The following TMEM63C variants were observed in gnomAD, a reference collection of about 807,000 sequenced individuals.
TMEM63C encodes the protein transmembrane protein 63C.
In TMEM63C, 32 loss-of-function variants were observed where a neutral mutation model predicts 99.2. The observed-to-expected ratio is 0.32, with a 90% CI of 0.24 to 0.43. The LOEUF (loss-of-function observed/expected upper bound fraction) is 0.43, where lower values mean the gene tolerates loss of function less well. TMEM63C is among the 20% of genes least tolerant of loss of function. The pLI is 1.00. For missense variants in TMEM63C, 826 were observed against 1,053.0 expected, an observed-to-expected ratio of 0.78 and a Z score of 2.98; for synonymous variants, 376 against 397.9, an observed-to-expected ratio of 0.94 and a Z score of 0.66.
chr14:77,224,992 C>T (rs1222327079), intron 5 of TMEM63C, among the ~76,000 whole-genome samples: 1 of 152,248 alleles, frequency 6.6e-6, no homozygotes, highest in Admixed American at 6.5e-5. Flanking sequence ...TTAATTGGCC[C>T]CACTTGGGTA....
At chr14:77,217,247 G>A (rs78819875) in intron 2 of TMEM63C, among the ~76,000 whole-genome samples, 3,726 of 152,030 alleles carry the variant, frequency 0.025, 134 homozygotes, top group African/African-American at 0.085. Context: ...CCAACTCTCC[G>A]GGCAAGCTCG....
intron 1 of TMEM63C, among the ~76,000 whole-genome samples, chr14:77,205,455 C>T (rs1888379846): frequency 6.6e-6 from 1 of 152,158 alleles, no homozygotes; most frequent in South Asian, 2.1e-4. Context: ...TCTTTAGCAA[C>T]CCCTATCCAG....
intron 1 of TMEM63C, among the ~76,000 whole-genome samples, chr14:77,198,727 A>G (rs1454825127): frequency 6.6e-6 from 1 of 152,196 alleles, no homozygotes; most frequent in Non-Finnish European, 1.5e-5. Context: ...GAAACAGTTC[A>G]AATGTTTCCT....
chr14:77,209,934 A>T (rs1427791536), intron 1 of TMEM63C, among the ~76,000 whole-genome samples: 1 of 151,936 alleles, frequency 6.6e-6, no homozygotes, highest in African/African-American at 2.4e-5. Flanking sequence ...CTCTCCACAG[A>T]TTCGGGACCA....
chr14:77,242,304 C>T (rs756856651), intron 13 of TMEM63C, 43 bp from the exon 14 acceptor site: 20 of 1,590,444 alleles, frequency 1.3e-5, no homozygotes, highest in Non-Finnish European at 1.7e-5. Flanking sequence ...CCCATCCCCC[C>T]ACCCCCAGAC....
chr14:77,215,672 G>A (rs1048749223), intron 2 of TMEM63C, among the ~76,000 whole-genome samples: 2 of 142,166 alleles, frequency 1.4e-5, no homozygotes, highest in African/African-American at 4.9e-5. Flanking sequence ...CTCACTGGCT[G>A]CCGCCGCCAC....
At chr14:77,220,670 G>A (rs1888675659) in intron 5 of TMEM63C, among the ~76,000 whole-genome samples, 1 of 152,134 alleles carries the variant, frequency 6.6e-6, no homozygotes, top group Non-Finnish European at 1.5e-5. Flanking sequence ...AGGCAGGGGA[G>A]ACGACCAGAC....
At chr14:77,204,237 G>A (rs1300356440) in intron 1 of TMEM63C, among the ~76,000 whole-genome samples, 1 of 145,490 alleles carries the variant, frequency 6.9e-6, no homozygotes. Flanking sequence ...TCAAATATGA[G>A]ATGCGCCACA....
chr14:77,200,907 G>A (rs981424432), intron 1 of TMEM63C: 3 of 151,736 alleles, frequency 2.0e-5, no homozygotes, highest in African/African-American at 4.8e-5. Flanking sequence ...AGGTGCTCTC[G>A]TGCTTCCAGA....
chr14:77,184,779 G>C lies in TMEM63C; in HGVS notation c.-77+2885G>C, dbSNP rs147280850. On this transcript the variant is annotated intron_variant, in intron 1 of 23. Transcript: ENST00000298351. ...TGGAACTCCACATTCTTGCCCATGA[G>C]TTGGCTGGTGCAACTCCTGCAAGGT... Among the ~76,000 whole-genome samples the C allele has an allele frequency of 7.9e-5, 12 of 152,308 alleles. No individual in the cohort carries two copies. In the East Asian group the frequency reaches 2.3e-3, roughly 29 times the overall value.
At chr14:77,255,233 C>A (rs1018466558) in intron 23 of TMEM63C, among the ~76,000 whole-genome samples, 2 of 152,218 alleles carry the variant, frequency 1.3e-5, no homozygotes, top group Admixed American at 1.3e-4. Context: ...TCAGCTGATC[C>A]ACCCGCCTCG....
At chr14:77,190,934 A>C (rs376446833) in intron 1 of TMEM63C, among the ~76,000 whole-genome samples, 14 of 152,342 alleles carry the variant, frequency 9.2e-5, no homozygotes, top group Middle Eastern at 3.4e-3. Context: ...AATTTATCAA[A>C]ATTGTAGACG....
intron 1 of TMEM63C, among the ~76,000 whole-genome samples, chr14:77,183,685 C>T (rs959170647): frequency 3.3e-5 from 5 of 152,158 alleles, no homozygotes; most frequent in African/African-American, 1.2e-4. Flanking sequence ...ATGAATTGCT[C>T]CTTTTCAGAC....
At chr14:77,213,083 T>G (rs1566620840) in intron 1 of TMEM63C, among the ~76,000 whole-genome samples, 1 of 152,216 alleles carries the variant, frequency 6.6e-6, no homozygotes, top group Non-Finnish European at 1.5e-5. Context: ...CTGTAGCCAC[T>G]GCCATTCATT....
chr14:77,241,037 G>A (rs1172489092), intron 13 of TMEM63C, among the ~76,000 whole-genome samples: 1 of 145,798 alleles, frequency 6.9e-6, no homozygotes, highest in Non-Finnish European at 1.5e-5. Flanking sequence ...TACGACCTCT[G>A]CCTCCCAGGT....
intron 18 of TMEM63C, among the ~76,000 whole-genome samples, chr14:77,248,129 C>G (rs556364322): frequency 6.6e-6 from 1 of 152,262 alleles, no homozygotes; most frequent in Admixed American, 6.5e-5. Flanking sequence ...CCTCCCTGCT[C>G]AGGGGACTGC....
intron 14 of TMEM63C, 134 bp downstream of exon 14, chr14:77,242,603 C>A: frequency 8.0e-7 from 1 of 1,249,976 alleles, no homozygotes; most frequent in Non-Finnish European, 1.1e-6. Context: ...CTCTCCTAAG[C>A]ACCACAACCT....
intron 14 of TMEM63C, 81 bp from the exon 15 acceptor site, chr14:77,242,822 A>G (rs2140127103): frequency 1.9e-6 from 3 of 1,548,238 alleles, no homozygotes; most frequent in East Asian, 2.2e-5. Context: ...GGCTGGGTCC[A>G]CAGCTGGCCT....
intron 2 of TMEM63C, among the ~76,000 whole-genome samples, chr14:77,218,519 GC>G (rs1463373197): frequency 9.9e-5 from 15 of 152,200 alleles, no homozygotes; most frequent in African/African-American, 3.6e-4. Flanking sequence ...ATTTGGATGT[GC>G]ATTTTACAAC....
Sources: allele counts gnomAD v4.1 joint callset (sites outside exome capture counted in the v4.1 genomes callset), GRCh38; gene constraint gnomAD v4.1.1; transcripts MANE v1.5; gene names NCBI Gene and HGNC (gene_info 2026-07-23, HGNC 2026-07-21).